AFAP1: variants seen among roughly 807,000 people sequenced by gnomAD.
The protein encoded by AFAP1 is actin filament-associated protein 1.
In AFAP1, 75 loss-of-function variants were observed where a neutral mutation model predicts 93.9. That is an observed-to-expected ratio of 0.80 (90% CI 0.66 to 0.97). The LOEUF (loss-of-function observed/expected upper bound fraction) is 0.97, where lower values mean the gene tolerates loss of function less well. Ranked by LOEUF, AFAP1 falls within the 50% of genes least tolerant of loss-of-function variation. AFAP1 has a pLI of 0.00. For missense variants in AFAP1, 1,201 were observed against 1,050.8 expected, an observed-to-expected ratio of 1.14 and a Z score of -1.98; for synonymous variants, 517 against 430.7, an observed-to-expected ratio of 1.20 and a Z score of -2.48.
At chr4:7,845,523 C>T (rs928884609) in intron 4 of AFAP1, among the ~76,000 whole-genome samples, 2 of 152,000 alleles carry the variant, frequency 1.3e-5, no homozygotes, top group Non-Finnish European at 2.9e-5. Flanking sequence ...GAAGAAGGGA[C>T]GAGGTAAGAG....
intron 9 of AFAP1, among the ~76,000 whole-genome samples, chr4:7,804,886 G>A (rs562496951): frequency 1.1e-4 from 17 of 152,302 alleles, no homozygotes; most frequent in African/African-American, 2.9e-4. Context: ...AGCAGCTTTC[G>A]GAGAAACCAA....
intron 11 of AFAP1, among the ~76,000 whole-genome samples, chr4:7,787,128 G>C (rs1288960637): frequency 1.3e-5 from 2 of 152,242 alleles, no homozygotes; most frequent in East Asian, 1.9e-4. Context: ...TAGGATGAGA[G>C]CTGGTTGCCA....
chr4:7,936,397 C>T (rs1009240636), intron 1 of AFAP1, among the ~76,000 whole-genome samples: 1 of 150,782 alleles, frequency 6.6e-6, no homozygotes, highest in Non-Finnish European at 1.5e-5. Flanking sequence ...ATGATTATAG[C>T]TCACTGCAGT....
chr4:7,811,700 G>C (rs528942035), intron 8 of AFAP1, among the ~76,000 whole-genome samples: 77 of 152,298 alleles, frequency 5.1e-4, no homozygotes, highest in Non-Finnish European at 9.3e-4. Flanking sequence ...AGGCGCGGGA[G>C]GGGAGCCGCC....
At chr4:7,803,654 C>A (rs1363165559) in intron 9 of AFAP1, among the ~76,000 whole-genome samples, 1 of 152,212 alleles carries the variant, frequency 6.6e-6, no homozygotes, top group Non-Finnish European at 1.5e-5. Context: ...GGAGACCTGG[C>A]CCCGATTCCC....
chr4:7,790,169 G>A (rs1717735394), intron 11 of AFAP1, among the ~76,000 whole-genome samples: 1 of 152,120 alleles, frequency 6.6e-6, no homozygotes, highest in Non-Finnish European at 1.5e-5. Context: ...ACACTGGCAA[G>A]CAACCATATT....
chr4:7,935,041 A>G (rs917853519), intron 1 of AFAP1, among the ~76,000 whole-genome samples: 3 of 152,246 alleles, frequency 2.0e-5, no homozygotes, highest in African/African-American at 7.2e-5. Context: ...AATTAAAGAT[A>G]GAAAAAACCC....
Position 7,817,426 on chromosome 4 carries a change from C to T in AFAP1, c.823-1327G>A, listed in dbSNP as rs1012777705. Among the ~76,000 whole-genome samples, 3 of 152,146 alleles carry T rather than the reference C, an allele frequency of 2.0e-5. No homozygotes were observed. In the South Asian group the frequency reaches 6.2e-4, roughly 32 times the overall value. ...GACCAGCCTGACCAACATGGTGAAA[C>T]CCCCGTCTCCACTAAAAATACAAAA... On this transcript the variant is annotated intron_variant, in intron 7 of 17. Coordinates refer to ENST00000420658, the MANE Select transcript of AFAP1 (RefSeq NM_001134647.2).
chr4:7,889,899 G>C (rs189269133), intron 1 of AFAP1, among the ~76,000 whole-genome samples: 41 of 147,104 alleles, frequency 2.8e-4, no homozygotes, highest in South Asian at 6.5e-4. Flanking sequence ...TAAAAAGAGA[G>C]ATACTATATT....
intron 1 of AFAP1, among the ~76,000 whole-genome samples, chr4:7,874,382 G>A (rs867018644): frequency 3.2e-5 from 1 of 31,702 alleles, no homozygotes; most frequent in African/African-American, 1.8e-4. Flanking sequence ...TTTTTTTTTT[G>A]AGACAGAGTC....
chr4:7,878,064 G>T (rs1391308472), intron 1 of AFAP1, among the ~76,000 whole-genome samples: 1 of 152,102 alleles, frequency 6.6e-6, no homozygotes, highest in Non-Finnish European at 1.5e-5. Flanking sequence ...ATCTCACTAC[G>T]GCGCCAAAGC....
chr4:7,880,436 C>T (rs1358793614), intron 1 of AFAP1, among the ~76,000 whole-genome samples: 1 of 152,132 alleles, frequency 6.6e-6, no homozygotes, highest in African/African-American at 2.4e-5. Context: ...CCCACCACCA[C>T]ACCCGGCTAA....
At chr4:7,770,191 G>C in intron 16 of AFAP1, among the ~76,000 whole-genome samples, 1 of 152,236 alleles carries the variant, frequency 6.6e-6, no homozygotes, top group East Asian at 1.9e-4. Flanking sequence ...AGCAAGCCAG[G>C]CGTGGGCCCC....
At chr4:7,928,388 GT>G (rs1286431283) in intron 1 of AFAP1, among the ~76,000 whole-genome samples, 1 of 151,936 alleles carries the variant, frequency 6.6e-6, no homozygotes. Context: ...ACTAGGTTTT[GT>G]TTTTTTGGTT....
chr4:7,894,891 C>T (rs1035012374), intron 1 of AFAP1, among the ~76,000 whole-genome samples: 8 of 152,288 alleles, frequency 5.3e-5, no homozygotes, highest in African/African-American at 1.9e-4. Context: ...GGGCTGATCT[C>T]CAGGGAGGGG....
chr4:7,937,629 G>A (rs1014770361), intron 1 of AFAP1, among the ~76,000 whole-genome samples: 3 of 152,138 alleles, frequency 2.0e-5, no homozygotes, highest in African/African-American at 7.2e-5. Context: ...TGCGATTACA[G>A]GCACCCACCA....
intron 1 of AFAP1, among the ~76,000 whole-genome samples, chr4:7,924,564 C>T (rs575137979): frequency 2.1e-4 from 32 of 152,298 alleles, no homozygotes; most frequent in African/African-American, 6.7e-4. Flanking sequence ...GTGAAAACTG[C>T]TTCCAGGGGA....
At chr4:7,859,436 G>A (rs1715430357) in intron 3 of AFAP1, among the ~76,000 whole-genome samples, 1 of 151,576 alleles carries the variant, frequency 6.6e-6, no homozygotes, top group African/African-American at 2.4e-5. Flanking sequence ...AATAAAACAA[G>A]GGTCCAAAGT....
chr4:7,886,584 A>T (rs950991829), intron 1 of AFAP1, among the ~76,000 whole-genome samples: 1 of 152,226 alleles, frequency 6.6e-6, no homozygotes, highest in African/African-American at 2.4e-5. Context: ...TGTAAACTCC[A>T]CAGAACACTT....
Sources: gnomAD v4.1 joint callset for allele counts (sites outside exome capture counted in the v4.1 genomes callset) on GRCh38, gnomAD v4.1.1 for gene constraint, MANE v1.5 for transcripts, NCBI Gene and HGNC (gene_info 2026-07-23, HGNC 2026-07-21) for gene names.